The following CDC27 variants were observed in gnomAD, a reference collection of about 807,000 sequenced individuals.
CDC27 encodes the protein cell division cycle 27, also known as cell division cycle protein 27 homolog.
Under a neutral mutation model 109.7 loss-of-function variants are expected in CDC27, and 27 were observed. The observed-to-expected ratio is 0.25, with a 90% CI of 0.18 to 0.34. CDC27 has a LOEUF of 0.34. Ranked by LOEUF, CDC27 falls within the 10% of genes least tolerant of loss-of-function variation. CDC27 has a pLI of 1.00. For missense variants in CDC27, 579 were observed against 960.2 expected (o/e 0.60, Z 5.25); for synonymous variants, 266 against 333.9 (o/e 0.80, Z 2.22).
At chr17:47,183,017 C>CA (rs1250681862) in intron 1 of CDC27, among the ~76,000 whole-genome samples, 3 of 151,134 alleles carry the variant, frequency 2.0e-5, no homozygotes, top group African/African-American at 7.3e-5. Flanking sequence ...AGACTCCCAT[C>CA]AAAAAAACAC....
chr17:47,188,384 A>G (rs192684254), intron 1 of CDC27, among the ~76,000 whole-genome samples: 55 of 152,350 alleles, frequency 3.6e-4, no homozygotes, highest in African/African-American at 1.1e-3. Flanking sequence ...ACTGTGCGTC[A>G]AAGCATACCC....
chr17:47,122,443 C>T lies in CDC27; in HGVS notation c.2392+1G>A, dbSNP rs780160708. On this transcript the variant is annotated splice_donor_variant, in intron 18 of 18. Coordinates refer to ENST00000066544, the MANE Select transcript of CDC27 (RefSeq NM_001256.6). LOFTEE classifies it high-confidence loss of function. ...CTCAAAATCATATGTATGATACTTACTGATCTGTTCTTCTTGGGTTATTGG... is the reference window on the plus strand; with the variant it reads ...CTCAAAATCATATGTATGATACTTATTGATCTGTTCTTCTTGGGTTATTGG... 1 of 1,588,264 alleles carries T rather than the reference C, an allele frequency of 6.3e-7. No individual in the cohort carries two copies. Among genetic ancestry groups the T allele is most frequent in the Non-Finnish European group, 8.6e-7 (1 of 1,166,350 alleles).
intron 7 of CDC27, 57 bp downstream of exon 7, chr17:47,156,856 G>T: frequency 1.7e-6 from 1 of 596,190 alleles, no homozygotes; most frequent in Non-Finnish European, 3.0e-6. Context: ...AACAATATGA[G>T]TTATCATAAG....
intron 17 of CDC27, among the ~76,000 whole-genome samples, 194 bp downstream of exon 17, chr17:47,123,692 G>A (rs142317880): frequency 1.6e-3 from 251 of 152,200 alleles, no homozygotes; most frequent in African/African-American, 5.7e-3. Flanking sequence ...GATTACAGGC[G>A]TGAGGCACCA....
intron 12 of CDC27, among the ~76,000 whole-genome samples, chr17:47,139,138 G>A (rs559254478): frequency 3.3e-5 from 5 of 152,022 alleles, no homozygotes; most frequent in Non-Finnish European, 7.4e-5. Context: ...ACTCTGAAAA[G>A]GAAATTTGAG....
At chr17:47,142,104 T>C in intron 11 of CDC27, 79 bp from the exon 12 acceptor site, 1 of 1,216,090 alleles carries the variant, frequency 8.2e-7, no homozygotes, top group East Asian at 2.4e-5. Flanking sequence ...AATTACAAAC[T>C]AATCTATTAA....
chr17:47,133,096 CACAAATATACATAT>C (rs2062433993), intron 14 of CDC27, among the ~76,000 whole-genome samples: 1 of 33,392 alleles, frequency 3.0e-5, no homozygotes, highest in African/African-American at 1.4e-4. Context: ...AACACACACA[CACAAATATACATAT>C]ATATATATAT....
chr17:47,184,054 G>A (rs1274805130), intron 1 of CDC27, among the ~76,000 whole-genome samples: 1 of 152,168 alleles, frequency 6.6e-6, no homozygotes, highest in South Asian at 2.1e-4. Flanking sequence ...TAATTTTGCT[G>A]TAAGTGAAAG....
chr17:47,153,210 T>C (rs1231057568), intron 8 of CDC27, among the ~76,000 whole-genome samples: 1 of 152,212 alleles, frequency 6.6e-6, no homozygotes, highest in African/African-American at 2.4e-5. Context: ...ATGCGTGACT[T>C]TTCTGGGAAT....
At chr17:47,135,669 C>G (rs199718821) in intron 14 of CDC27, among the ~76,000 whole-genome samples, 4 of 152,088 alleles carry the variant, frequency 2.6e-5, no homozygotes, top group Non-Finnish European at 5.9e-5. Context: ...TAAACTCCTC[C>G]TAGTAAAAGC....
intron 16 of CDC27, among the ~76,000 whole-genome samples, chr17:47,128,752 TTC>T (rs1199976879): frequency 6.6e-6 from 1 of 151,992 alleles, no homozygotes; most frequent in African/African-American, 2.4e-5. Flanking sequence ...CGTTTTCTTT[TTC>T]TGTTTTTTAA....
At chr17:47,135,998 C>T (rs2062574809) in intron 14 of CDC27, among the ~76,000 whole-genome samples, 2 of 151,976 alleles carry the variant, frequency 1.3e-5, no homozygotes, top group Non-Finnish European at 1.5e-5. Context: ...AAAAATTAGC[C>T]GGGCATGGTG....
At chr17:47,133,114 TATATA>T (rs1279471811) in intron 14 of CDC27, among the ~76,000 whole-genome samples, 3 of 74,130 alleles carry the variant, frequency 4.0e-5, no homozygotes, top group Non-Finnish European at 7.8e-5. Flanking sequence ...TACATATATA[TATATA>T]TATATATATA....
chr17:47,151,635 C>G (rs1249903242), intron 9 of CDC27, among the ~76,000 whole-genome samples, 171 bp downstream of exon 9: 1 of 152,172 alleles, frequency 6.6e-6, no homozygotes, highest in Admixed American at 6.5e-5. Context: ...CATTACAAAA[C>G]TCAACTCAAA....
intron 9 of CDC27, among the ~76,000 whole-genome samples, chr17:47,151,217 T>G (rs1458857177): frequency 5.3e-5 from 8 of 152,238 alleles, no homozygotes; most frequent in Non-Finnish European, 2.9e-5. Flanking sequence ...CTTACCATTC[T>G]GGGAGCATTA....
intron 16 of CDC27, among the ~76,000 whole-genome samples, chr17:47,127,794 C>G (rs969933059): frequency 1.2e-4 from 18 of 152,174 alleles, no homozygotes; most frequent in African/African-American, 4.3e-4. Context: ...CCTCCGCCTC[C>G]TGAGCTCAAG....
chr17:47,175,884 GT>G (rs2063988494), intron 2 of CDC27, among the ~76,000 whole-genome samples: 1 of 152,142 alleles, frequency 6.6e-6, no homozygotes, highest in Non-Finnish European at 1.5e-5. Flanking sequence ...AGTATGACAT[GT>G]GGATTAAAGT....
At position 47,138,757 on chromosome 17, in the gene CDC27, C is replaced by T; in HGVS notation, c.1686G>A (p.Met562Ile). The T allele has an allele frequency of 6.2e-7, 1 of 1,610,410 alleles. No homozygotes were observed. Among genetic ancestry groups the T allele is most frequent in the Non-Finnish European group, 8.5e-7 (1 of 1,179,232 alleles). ...LSVLSKDLTD[M>I]DKNSPEAWCA... ...AACATACCTCTGGCGAATTTTTATC[C>T]ATGTCTGTTAAGTCTTTTGACAGAA... The change falls in exon 13 of 19, where the codon ATG (methionine) becomes ATA (isoleucine). Residue 562 changes from methionine (M) to isoleucine (I), a missense_variant. This residue lies in a region of CDC27 where 227 missense variants were observed against 363.6 expected (regional missense o/e 0.62). Transcript: ENST00000066544.
chr17:47,147,975 C>T (rs1401489998), intron 9 of CDC27, among the ~76,000 whole-genome samples: 5 of 149,012 alleles, frequency 3.4e-5, no homozygotes, highest in African/African-American at 7.4e-5. Flanking sequence ...CCAAGGTGGG[C>T]GGATCACGAG....
Sources: allele counts gnomAD v4.1 joint callset (sites outside exome capture counted in the v4.1 genomes callset), GRCh38; gene constraint gnomAD v4.1.1; regional missense constraint gnomAD v4.1.1; transcripts MANE v1.5; gene names NCBI Gene and HGNC (gene_info 2026-07-23, HGNC 2026-07-21).